Variants in AGBL4 observed in about 807,000 individuals in gnomAD.
AGBL4 encodes AGBL carboxypeptidase 4, also known as cytosolic carboxypeptidase 6.
Under a neutral mutation model 66.4 loss-of-function variants are expected in AGBL4, and 58 were observed. The ratio of observed to expected loss-of-function variants is 0.87; its 90% CI spans 0.71 to 1.09. The LOEUF is 1.09. AGBL4 is among the 50% of genes least tolerant of loss of function. The pLI, the probability that AGBL4 is intolerant of heterozygous loss-of-function variation, is 0.00. For synonymous variants in AGBL4, 234 were observed against 222.9 expected (o/e 1.05, Z -0.44); for missense variants, 579 against 631.0 (o/e 0.92, Z 0.88).
At chr1:48,760,448 T>C (rs1644195780) in intron 6 of AGBL4, among the ~76,000 whole-genome samples, 1 of 152,218 alleles carries the variant, frequency 6.6e-6, no homozygotes, top group Non-Finnish European at 1.5e-5. Context: ...TTGTGTTACA[T>C]GACAAAATCG....
At chr1:48,829,775 A>G (rs1646508206) in intron 6 of AGBL4, among the ~76,000 whole-genome samples, 1 of 152,132 alleles carries the variant, frequency 6.6e-6, no homozygotes, top group Admixed American at 6.5e-5. Flanking sequence ...AATTATGGAA[A>G]TTGTTTCTGA....
chr1:49,141,886 A>C (rs1646124713), intron 4 of AGBL4, among the ~76,000 whole-genome samples: 1 of 152,166 alleles, frequency 6.6e-6, no homozygotes, highest in Admixed American at 6.6e-5. Flanking sequence ...TGCTGGCTTT[A>C]TAAAGTCAGA....
At chr1:49,522,982 T>C (rs1258547209) in intron 3 of AGBL4, among the ~76,000 whole-genome samples, 1 of 152,046 alleles carries the variant, frequency 6.6e-6, no homozygotes, top group East Asian at 1.9e-4. Flanking sequence ...TGGTAGGGTA[T>C]ATTTCAGGGG....
rs532253815 is a variant in AGBL4, at chr1:49,411,426, T to G, written c.283-165562A>C. On this transcript the variant is annotated intron_variant, in intron 3 of 13. Transcript: ENST00000371839. The stretch of plus-strand genomic sequence containing the variant: ...CAGTCCACTGACTCAAATGTTAATC[T>G]CTTCTGGCAACACCCTCATAGACAC... 3.3e-5 allele frequency among the ~76,000 whole-genome samples: 5 copies of G among 152,328 alleles called. No individual in the cohort carries two copies. The South Asian group carries it at 1.0e-3, about 32-fold the overall frequency.
chr1:49,879,416 A>T (rs1168405791), intron 1 of AGBL4, among the ~76,000 whole-genome samples: 8 of 148,252 alleles, frequency 5.4e-5, no homozygotes, highest in Non-Finnish European at 6.0e-5. Context: ...TCCTTCACTT[A>T]TGAAGCTTAG....
intron 5 of AGBL4, among the ~76,000 whole-genome samples, chr1:48,900,929 C>A (rs1252538142): frequency 6.6e-6 from 1 of 152,038 alleles, no homozygotes; most frequent in African/African-American, 2.4e-5. Context: ...AATTAAAAGA[C>A]AAACCATAGA....
intron 5 of AGBL4, among the ~76,000 whole-genome samples, chr1:49,015,289 G>C (rs771832769): frequency 6.6e-6 from 1 of 152,082 alleles, no homozygotes; most frequent in Non-Finnish European, 1.5e-5. Flanking sequence ...AAAGCTGGGG[G>C]AATGGTAGGG....
chr1:49,556,299 T>C (rs1170382639), intron 3 of AGBL4, among the ~76,000 whole-genome samples: 1 of 151,992 alleles, frequency 6.6e-6, no homozygotes, highest in Admixed American at 6.6e-5. Flanking sequence ...AAACACCGCA[T>C]GTTCTCACTC....
chr1:49,742,888 T>C (rs1369180263), intron 2 of AGBL4, among the ~76,000 whole-genome samples: 3 of 152,110 alleles, frequency 2.0e-5, no homozygotes, highest in Admixed American at 1.3e-4. Flanking sequence ...TTACACTTTA[T>C]ACAAAAATTA....
intron 7 of AGBL4, 92 bp from the exon 8 acceptor site, chr1:48,653,543 T>G: frequency 6.3e-6 from 6 of 951,180 alleles, no homozygotes; most frequent in African/African-American, 1.6e-5. Context: ...AAGAGCTCAA[T>G]AGGTGATTTT....
intron 5 of AGBL4, among the ~76,000 whole-genome samples, chr1:48,896,502 T>C (rs1279925698): frequency 6.6e-6 from 1 of 152,246 alleles, no homozygotes; most frequent in African/African-American, 2.4e-5. Flanking sequence ...TTCACAACAA[T>C]TCTGGAAGAT....
intron 1 of AGBL4, among the ~76,000 whole-genome samples, chr1:49,951,914 T>C (rs916579532): frequency 6.6e-6 from 1 of 151,694 alleles, no homozygotes; most frequent in South Asian, 2.1e-4. Context: ...AGAATGTATA[T>C]GGAAATAAAA....
At chr1:48,689,412 C>CCTTCCTTCCTTT (rs1470914011) in intron 6 of AGBL4, among the ~76,000 whole-genome samples, 1 of 149,920 alleles carries the variant, frequency 6.7e-6, no homozygotes, top group African/African-American at 2.5e-5. Context: ...TACCTTCCTT[C>CCTTCCTTCCTTT]CTTCCTTCCT....
chr1:49,883,835 G>T (rs1158223201), intron 1 of AGBL4, among the ~76,000 whole-genome samples: 1 of 151,706 alleles, frequency 6.6e-6, no homozygotes, highest in East Asian at 1.9e-4. Context: ...GACACAAAAG[G>T]AGAGGAAAAA....
At chr1:49,670,437 C>G (rs1171402586) in intron 3 of AGBL4, among the ~76,000 whole-genome samples, 1 of 152,190 alleles carries the variant, frequency 6.6e-6, no homozygotes, top group African/African-American at 2.4e-5. Flanking sequence ...GCAAAGCCTA[C>G]AGCTTTGCTG....
At chr1:48,656,715 A>G (rs1284618941) in intron 7 of AGBL4, among the ~76,000 whole-genome samples, 1 of 152,240 alleles carries the variant, frequency 6.6e-6, no homozygotes, top group Non-Finnish European at 1.5e-5. Flanking sequence ...AAGTGAATTA[A>G]CACAGAAACA....
At chr1:49,439,522 A>G (rs1645977544) in intron 3 of AGBL4, among the ~76,000 whole-genome samples, 1 of 152,096 alleles carries the variant, frequency 6.6e-6, no homozygotes, top group Non-Finnish European at 1.5e-5. Flanking sequence ...GTTAATATTG[A>G]GTGTCAACTT....
chr1:48,728,886 C>G, intron 6 of AGBL4, among the ~76,000 whole-genome samples: 1 of 152,302 alleles, frequency 6.6e-6, no homozygotes, highest in African/African-American at 2.4e-5. Context: ...TTCTGACAAC[C>G]TGGTGGGTGT....
intron 3 of AGBL4, among the ~76,000 whole-genome samples, chr1:49,270,316 G>GCT (rs1198538726): frequency 6.6e-6 from 1 of 152,140 alleles, no homozygotes; most frequent in African/African-American, 2.4e-5. Context: ...CCAAGTAGGA[G>GCT]CTCTCTCTCT....
Sources: allele counts gnomAD v4.1 joint callset (sites outside exome capture counted in the v4.1 genomes callset), GRCh38; gene constraint gnomAD v4.1.1; transcripts MANE v1.5; gene names NCBI Gene and HGNC (gene_info 2026-07-23, HGNC 2026-07-21).